Variants in CMIP observed in about 807,000 individuals in gnomAD.
CMIP encodes the protein C-Maf-inducing protein.
A neutral mutation model predicts 97.3 loss-of-function variants in CMIP; 13 were observed. The ratio of observed to expected loss-of-function variants is 0.13; its 90% CI spans 0.09 to 0.21. CMIP has a LOEUF of 0.21. CMIP is among the 10% of genes least tolerant of loss of function. CMIP has a pLI of 1.00. For synonymous variants in CMIP, 538 were observed against 436.3 expected, an observed-to-expected ratio of 1.23 and a Z score of -2.91; for missense variants, 847 against 1,024.9, an observed-to-expected ratio of 0.83 and a Z score of 2.37.
chr16:81,469,988 C>A (rs949749591), intron 1 of CMIP, among the ~76,000 whole-genome samples: 1 of 152,172 alleles, frequency 6.6e-6, no homozygotes, highest in African/African-American at 2.4e-5. Flanking sequence ...TCAGTGATCT[C>A]CTGCATTTCC....
intron 1 of CMIP, among the ~76,000 whole-genome samples, chr16:81,567,794 C>T (rs1486217232): frequency 2.0e-5 from 3 of 152,212 alleles, no homozygotes; most frequent in Admixed American, 6.5e-5. Flanking sequence ...GTCACCTCCC[C>T]GAAGCGCAGA....
intron 1 of CMIP, among the ~76,000 whole-genome samples, chr16:81,510,080 G>A (rs1434102507): frequency 6.6e-6 from 1 of 152,194 alleles, no homozygotes; most frequent in Non-Finnish European, 1.5e-5. Context: ...GGGGCGTTTG[G>A]CAAAAGCTCT....
chr16:81,681,981 G>A (rs983259366), intron 10 of CMIP, among the ~76,000 whole-genome samples: 2 of 150,296 alleles, frequency 1.3e-5, no homozygotes, highest in African/African-American at 4.9e-5. Context: ...GGCCGAGGCG[G>A]GGGAATTACT....
chr16:81,661,067 C>T lies in CMIP; in HGVS notation c.744+121C>T, dbSNP rs945197935. On this transcript the variant is annotated intron_variant, in intron 6 of 20. Coordinates refer to ENST00000537098, the MANE Select transcript of CMIP (RefSeq NM_198390.3). ...GGGCCCCACCGTCTTGGGTCACGGT[C>T]CCAGACACAGGCGGAGAGGGCATGC... The T allele has an allele frequency of 2.7e-5, 33 of 1,200,522 alleles. 1 individual carries two copies. The South Asian group carries it at 3.8e-4, about 14-fold the overall frequency. 74.4% of individuals were successfully genotyped at this position (1,200,522 alleles called of 1,614,324 possible).
In CMIP at chr16:81,614,753, G is replaced by C. The variant is rs998579860; in HGVS notation, c.427-6123G>C. On this transcript the variant is annotated intron_variant, in intron 2 of 20. Coordinates refer to ENST00000537098, the MANE Select transcript of CMIP (RefSeq NM_198390.3). This position sits in a 1 kb window ranked among gnomAD's most constrained non-coding sequence, Gnocchi z 5.3. ...TGTGTGTCTCTGTGAGTGTGTATGT[G>C]TCTATGTCTGTGGTGTGTGTGGTAT... Among the ~76,000 whole-genome samples, 1 of 151,796 alleles carries C rather than the reference G, an allele frequency of 6.6e-6. No homozygotes were observed. The highest frequency in any genetic ancestry group is 1.5e-5 in the Non-Finnish European group (1 of 67,956).
Position 81,491,681 on chromosome 16 carries a change from A to T in CMIP, c.300+46140A>T, listed in dbSNP as rs182827444. Among the ~76,000 whole-genome samples the T allele has an allele frequency of 1.8e-3, 275 of 152,296 alleles. 1 individual carries two copies. Among genetic ancestry groups the T allele is most frequent in the African/African-American group, 5.9e-3 (247 of 41,560 alleles). On this transcript the variant is annotated intron_variant, in intron 1 of 20. Transcript: ENST00000537098. ...TCACTTGGCGAACTCTTGCCGCTTG[A>T]CGTCCCCAACTCCACAATCACGTGG...
At chr16:81,466,762 G>A (rs1907230928) in intron 1 of CMIP, among the ~76,000 whole-genome samples, 1 of 152,202 alleles carries the variant, frequency 6.6e-6, no homozygotes. Context: ...GTTTCCCTGG[G>A]AGACTTGGGC....
In CMIP at chr16:81,595,111, C is replaced by G. The variant is rs72829084; in HGVS notation, c.301-12456C>G. Among the ~76,000 whole-genome samples, 1,284 of 151,706 alleles carry G rather than the reference C, an allele frequency of 8.5e-3. 9 individuals carry two copies. The highest frequency in any genetic ancestry group is 0.014 in the Non-Finnish European group (980 of 67,964). ...CATAGTTGACCACTGGTAACTGAAA[C>G]CTCTGAAAGTGAAATCTCAGATTAG... On this transcript the variant is annotated intron_variant, in intron 1 of 20. Transcript: ENST00000537098.
intron 1 of CMIP, among the ~76,000 whole-genome samples, chr16:81,555,325 AC>A (rs538515158): frequency 6.6e-6 from 1 of 151,984 alleles, no homozygotes; most frequent in South Asian, 2.1e-4. Flanking sequence ...GAAATCAAGA[AC>A]CCCCCCTAGA....
At chr16:81,601,365 G>A (rs1054434781) in intron 1 of CMIP, among the ~76,000 whole-genome samples, 1 of 152,182 alleles carries the variant, frequency 6.6e-6, no homozygotes, top group African/African-American at 2.4e-5. Flanking sequence ...GCAAGGGAAG[G>A]CGAAGGCTAG....
At position 81,506,978 on chromosome 16, in the gene CMIP, C is replaced by G. The variant is rs188401989; in HGVS notation, c.300+61437C>G. Reference sequence around the variant, plus strand: ...CTCTAAAGAAAGATCATCGGCCGGGCACAGTGGCTCACGCCTGTAATCCTA... The same window carrying G: ...CTCTAAAGAAAGATCATCGGCCGGGGACAGTGGCTCACGCCTGTAATCCTA... On this transcript the variant is annotated intron_variant, in intron 1 of 20. Transcript: ENST00000537098. 1.9e-3 allele frequency among the ~76,000 whole-genome samples: 290 copies of G among 150,994 alleles called. 1 individual carries two copies. Among genetic ancestry groups the G allele is most frequent in the South Asian group, 9.7e-3 (46 of 4,764 alleles).
chr16:81,494,416 G>A (rs1437945700), intron 1 of CMIP, among the ~76,000 whole-genome samples: 1 of 152,236 alleles, frequency 6.6e-6, no homozygotes, highest in African/African-American at 2.4e-5. Flanking sequence ...ACGTGGCTGT[G>A]CTGGGAGAGG....
At chr16:81,478,039 T>C (rs1908034784) in intron 1 of CMIP, among the ~76,000 whole-genome samples, 1 of 152,180 alleles carries the variant, frequency 6.6e-6, no homozygotes, top group African/African-American at 2.4e-5. Context: ...GCAGGATTTT[T>C]ATTATTGAGA....
In CMIP at chr16:81,692,260, C is replaced by T. The variant is rs555787649; in HGVS notation, c.1454+420C>T. Among the ~76,000 whole-genome samples, 4 of 152,322 alleles carry T rather than the reference C, an allele frequency of 2.6e-5. No individual in the cohort carries two copies. In the South Asian group the frequency reaches 8.3e-4, roughly 32 times the overall value. On this transcript the variant is annotated intron_variant, in intron 11 of 20. Coordinates refer to ENST00000537098, the MANE Select transcript of CMIP (RefSeq NM_198390.3). ...ATGCGCGTAGCATTGCTCGCTGTGC[C>T]GTACTGAGATGCTGGAAGCGCTCTA...
At position 81,691,778 on chromosome 16, in the gene CMIP, A is replaced by G. The variant is rs2151079910; in HGVS notation, c.1392A>G (p.Ser464=). 6.2e-7 allele frequency: 1 copy of G among 1,613,682 alleles called. No individual in the cohort carries two copies. The highest frequency in any genetic ancestry group is 2.2e-5 in the East Asian group (1 of 44,882). ...CTGTCACCCTCTCTCATTCTAGGTC[A>G]GACTATGATGACTGGAGACCGTCTC... ...GCYVEILKLL[S]DYDDWRPSLA... Residue 464 remains serine (S), a synonymous_variant, in exon 11 of 21, where the codon TCA becomes TCG. Transcript: ENST00000537098.
intron 1 of CMIP, among the ~76,000 whole-genome samples, chr16:81,492,849 T>G (rs1269479246): frequency 5.2e-4 from 54 of 103,478 alleles, no homozygotes; most frequent in East Asian, 1.1e-3. Context: ...AAAGGGAGAG[T>G]GGGTTACGGG....
intron 1 of CMIP, among the ~76,000 whole-genome samples, chr16:81,558,207 G>C (rs1407938999): frequency 6.6e-6 from 1 of 152,194 alleles, no homozygotes; most frequent in Non-Finnish European, 1.5e-5. Flanking sequence ...AGGACACGAG[G>C]TTGCTTCCAC....
chr16:81,558,934 A>C (rs762369847), intron 1 of CMIP, among the ~76,000 whole-genome samples: 1 of 152,200 alleles, frequency 6.6e-6, no homozygotes. Context: ...GCAAGGTGCA[A>C]ACACTGGCAG....
chr16:81,695,384 C>T (rs1906594309), intron 13 of CMIP: 1 of 152,208 alleles, frequency 6.6e-6, no homozygotes, highest in Non-Finnish European at 1.5e-5. Flanking sequence ...ATAAGGGAAC[C>T]CTTGATATTC....
Sources: gnomAD v4.1 joint callset for allele counts (sites outside exome capture counted in the v4.1 genomes callset) on GRCh38, gnomAD v4.1.1 for gene constraint, Gnocchi (gnomAD v3.1) non-coding constraint, MANE v1.5 for transcripts, NCBI Gene and HGNC (gene_info 2026-07-23, HGNC 2026-07-21) for gene names.